PLPP1: variants seen among roughly 807,000 people sequenced by gnomAD.
PLPP1 encodes lipid phosphate phosphohydrolase 1a.
Under a neutral mutation model 31.2 loss-of-function variants are expected in PLPP1, and 24 were observed. The ratio of observed to expected loss-of-function variants is 0.77; its 90% CI spans 0.56 to 1.08. PLPP1 has a LOEUF of 1.08. Among genes scored for constraint, PLPP1 ranks in the 50% least tolerant of loss-of-function variants. PLPP1 has a pLI of 0.00. For synonymous variants in PLPP1, 146 were observed against 126.3 expected, an observed-to-expected ratio of 1.16 and a Z score of -1.05; for missense variants, 319 against 342.7, an observed-to-expected ratio of 0.93 and a Z score of 0.55.
intron 1 of PLPP1, among the ~76,000 whole-genome samples, chr5:55,529,836 C>T (rs796877628): frequency 5.0e-4 from 76 of 152,036 alleles, no homozygotes; most frequent in African/African-American, 1.7e-3. Context: ...GAGGAATGTA[C>T]CAAATTTCAA....
At chr5:55,432,551 CG>C (rs1561220794) in intron 4 of PLPP1, among the ~76,000 whole-genome samples, 2 of 152,018 alleles carry the variant, frequency 1.3e-5, no homozygotes, top group African/African-American at 4.8e-5. Context: ...TACCCTGATA[CG>C]AAAAACAGAC....
intron 3 of PLPP1, among the ~76,000 whole-genome samples, chr5:55,462,129 A>G (rs1752179220): frequency 6.6e-6 from 1 of 152,234 alleles, no homozygotes; most frequent in Admixed American, 6.5e-5. Flanking sequence ...ATTGATCTAT[A>G]TATTTGAAGC....
chr5:55,526,244 G>A (rs1251042867), intron 1 of PLPP1, among the ~76,000 whole-genome samples: 2 of 152,140 alleles, frequency 1.3e-5, no homozygotes, highest in Non-Finnish European at 2.9e-5. Flanking sequence ...GCACATTCTT[G>A]AGTTTCCAAA....
intron 1 of PLPP1, among the ~76,000 whole-genome samples, chr5:55,504,343 C>T (rs546321142): frequency 6.6e-4 from 86 of 130,900 alleles, no homozygotes; most frequent in African/African-American, 2.3e-3. Context: ...CCAGCCTGGG[C>T]GACAGAGACT....
chr5:55,477,538 C>G (rs1009791493), intron 1 of PLPP1, among the ~76,000 whole-genome samples: 2 of 151,754 alleles, frequency 1.3e-5, no homozygotes, highest in Non-Finnish European at 2.9e-5. Context: ...GGACTACAGG[C>G]ACCCACCACC....
intron 3 of PLPP1, among the ~76,000 whole-genome samples, chr5:55,461,320 C>A (rs1385100826): frequency 2.7e-5 from 4 of 150,680 alleles, no homozygotes; most frequent in Non-Finnish European, 4.4e-5. Flanking sequence ...AAAAACTTTA[C>A]AAGAAAACTA....
intron 2 of PLPP1, among the ~76,000 whole-genome samples, chr5:55,472,342 C>T (rs1321750220): frequency 6.6e-6 from 1 of 152,136 alleles, no homozygotes; most frequent in Non-Finnish European, 1.5e-5. Flanking sequence ...GTGGCTCACA[C>T]CTATAATCCC....
chr5:55,473,190 T>C (rs995746536), intron 2 of PLPP1, among the ~76,000 whole-genome samples: 4 of 152,246 alleles, frequency 2.6e-5, no homozygotes, highest in Non-Finnish European at 5.9e-5. Flanking sequence ...TAGACTTGGC[T>C]TTCTTCTAGC....
At chr5:55,530,965 G>T (rs537492523) in intron 1 of PLPP1, among the ~76,000 whole-genome samples, 1 of 152,208 alleles carries the variant, frequency 6.6e-6, no homozygotes, top group Admixed American at 6.5e-5. Flanking sequence ...TGACGGTGAC[G>T]GCCCGGGGCT....
At chr5:55,524,047 T>A (rs1189353300) in intron 1 of PLPP1, among the ~76,000 whole-genome samples, 3 of 152,198 alleles carry the variant, frequency 2.0e-5, no homozygotes, top group African/African-American at 7.2e-5. Context: ...TAATGTCTGC[T>A]TAATAAATAA....
chr5:55,527,421 A>G (rs1740497110), intron 1 of PLPP1, among the ~76,000 whole-genome samples: 1 of 152,192 alleles, frequency 6.6e-6, no homozygotes, highest in African/African-American at 2.4e-5. Flanking sequence ...ATGATACCAC[A>G]TTTGGAGCAT....
At chr5:55,426,132 AG>A in intron 4 of PLPP1, 93 bp from the exon 5 acceptor site, 1 of 1,127,964 alleles carries the variant, frequency 8.9e-7, no homozygotes, top group Non-Finnish European at 1.2e-6. Context: ...TGATTATCAA[AG>A]TATTATTATA....
At chr5:55,495,600 T>C (rs1752988375) in intron 1 of PLPP1, among the ~76,000 whole-genome samples, 1 of 152,152 alleles carries the variant, frequency 6.6e-6, no homozygotes, top group South Asian at 2.1e-4. Context: ...TTATACCGTC[T>C]CCACTAATAC....
At chr5:55,467,727 A>C in intron 3 of PLPP1, 142 bp downstream of exon 3, 1 of 894,766 alleles carries the variant, frequency 1.1e-6, no homozygotes, top group Non-Finnish European at 1.7e-6. Flanking sequence ...ATGAGAGAGA[A>C]CAATTCATAC....
At chr5:55,451,472 T>G (rs1751889562) in intron 3 of PLPP1, among the ~76,000 whole-genome samples, 1 of 152,094 alleles carries the variant, frequency 6.6e-6, no homozygotes, top group Non-Finnish European at 1.5e-5. Flanking sequence ...TCCTATTCCT[T>G]TAAGATTAAA....
chr5:55,447,576 C>G (rs931685872), intron 3 of PLPP1, among the ~76,000 whole-genome samples: 1 of 37,816 alleles, frequency 2.6e-5, no homozygotes, highest in African/African-American at 6.5e-5. Context: ...GTAACTTGCT[C>G]GAAAAGTCAC....
chr5:55,442,229 C>CT (rs976784535), intron 3 of PLPP1, among the ~76,000 whole-genome samples: 1 of 152,192 alleles, frequency 6.6e-6, no homozygotes, highest in African/African-American at 2.4e-5. Context: ...ATTGCCTTGA[C>CT]TTTATTACAT....
Position 55,475,381 on chromosome 5 carries a change from T to C in PLPP1, c.128A>G (p.Glu43Gly), listed in dbSNP as rs1389520097. The C allele has an allele frequency of 6.2e-7, 1 of 1,612,376 alleles. No individual in the cohort carries two copies. Among genetic ancestry groups the C allele is most frequent in the Admixed American group, 1.7e-5 (1 of 59,964 alleles). The change falls in exon 2 of 6, where the codon GAG becomes GGG. Residue 43 changes from glutamate to glycine, a missense_variant. By Grantham distance (98) the Glu-to-Gly change is moderately conservative. Coordinates refer to ENST00000307259, the MANE Select transcript of PLPP1 (RefSeq NM_003711.4). ...PFQRGVFCND[E>G]SIKYPYKEDT... ...TTCTTTGTAAGGGTACTTGATGGAC[T>C]CATCATTACAGAATACTCCTCGTTG...
In PLPP1 at chr5:55,528,663, G is replaced by A. The variant is rs182148070; in HGVS notation, c.58+5909C>T. On this transcript the variant is annotated intron_variant, in intron 1 of 5. Coordinates refer to ENST00000307259, the MANE Select transcript of PLPP1 (RefSeq NM_003711.4). Reference sequence around the variant, plus strand: ...TTAATACACTGGGCTAAAACATCGCGCCTTTTCCAAAATTAACATTTTTAT... The same window carrying A: ...TTAATACACTGGGCTAAAACATCGCACCTTTTCCAAAATTAACATTTTTAT... Among the ~76,000 whole-genome samples the A allele has an allele frequency of 7.2e-5, 11 of 152,198 alleles. No individual in the cohort carries two copies. In the East Asian group the frequency reaches 1.2e-3, roughly 16 times the overall value.
Sources: allele counts gnomAD v4.1 joint callset (sites outside exome capture counted in the v4.1 genomes callset), GRCh38; gene constraint gnomAD v4.1.1; transcripts MANE v1.5; gene names NCBI Gene and HGNC (gene_info 2026-07-23, HGNC 2026-07-21).